SLC12A7: variants seen among roughly 807,000 people sequenced by gnomAD.
The protein encoded by SLC12A7 is solute carrier family 12 member 7, also known as K-Cl cotransporter 4.
Under a neutral mutation model 120.6 loss-of-function variants are expected in SLC12A7, and 100 were observed. That is an observed-to-expected ratio of 0.83 (90% CI 0.71 to 0.98). The LOEUF is 0.98. Ranked by LOEUF, SLC12A7 falls within the 50% of genes least tolerant of loss-of-function variation. The pLI, the probability that SLC12A7 is intolerant of heterozygous loss-of-function variation, is 0.00. For missense variants in SLC12A7, 1,373 were observed against 1,548.1 expected (o/e 0.89, Z 1.90); for synonymous variants, 760 against 678.0 (o/e 1.12, Z -1.88).
intron 17 of SLC12A7, 88 bp from the exon 18 acceptor site, chr5:1,065,566 CCACCTCCCCT>C (rs1203240017): frequency 1.0e-5 from 12 of 1,165,524 alleles, no homozygotes; most frequent in Non-Finnish European, 1.4e-5. Context: ...GGCACCCGCA[CCACCTCCCCT>C]GTGGACCCAG....
chr5:1,073,591 G>A (rs778653114), intron 17 of SLC12A7, 42 bp downstream of exon 17: 3 of 1,564,890 alleles, frequency 1.9e-6, no homozygotes, highest in Non-Finnish European at 1.7e-6. Flanking sequence ...TGTGCAGCTG[G>A]GGTGGGAAAG....
At chr5:1,142,552 G>C in the SLC12A7 span, among the ~76,000 whole-genome samples, 4 of 120,720 alleles carry the variant, frequency 3.3e-5, no homozygotes, top group South Asian at 3.2e-4. Flanking sequence ...CTCTGTGTGT[G>C]TCTCTCTCTC....
At chr5:1,074,393 C>G (rs1451350632) in intron 16 of SLC12A7, among the ~76,000 whole-genome samples, 174 bp downstream of exon 16, 1 of 152,306 alleles carries the variant, frequency 6.6e-6, no homozygotes, top group East Asian at 1.9e-4. Flanking sequence ...GCAGGGACAC[C>G]CCCGGCCCCC....
the SLC12A7 span, among the ~76,000 whole-genome samples, chr5:1,134,792 T>C: frequency 6.6e-6 from 1 of 152,028 alleles, no homozygotes; most frequent in African/African-American, 2.4e-5. Context: ...GATAAAGCCA[T>C]GAACAAAACA....
At position 1,108,029 on chromosome 5, in the gene SLC12A7, T is replaced by TACACACACACACACACAC. The variant is rs59652318; in HGVS notation, c.124+3838_124+3839insGTGTGTGTGTGTGTGTGT. ...CTGCCACAGCATACAAACACACACA[T>TACACACACACACACACAC]ACACACACACACGTGAGCATGCCCA... is the stretch of plus-strand genomic sequence containing the variant. On this transcript the variant is annotated intron_variant, in intron 1 of 23. Transcript: ENST00000264930. Among the ~76,000 whole-genome samples, 1,309 of 151,486 alleles carry TACACACACACACACACAC rather than the reference T, an allele frequency of 8.6e-3. 9 individuals carry two copies. Among genetic ancestry groups the TACACACACACACACACAC allele is most frequent in the African/African-American group, 0.02 (842 of 41,322 alleles).
At chr5:1,118,803 G>GCCAGCACATTTGGTA in the SLC12A7 span, among the ~76,000 whole-genome samples, 34 of 152,158 alleles carry the variant, frequency 2.2e-4, no homozygotes, top group African/African-American at 7.5e-4. Context: ...TGGCCCCGCA[G>GCCAGCACATTTGGTA]CCTTGCAGGT....
In SLC12A7 at chr5:1,055,701, TCCC is replaced by T. The variant is rs1018593416; in HGVS notation, c.3026+1767_3026+1769del. Reference sequence around the variant, plus strand: ...GAGGAGGCACAGGTGCCACTGAGGGTCCCCGAGTGTGTGTGCCTGTGCATGTGT... The same window carrying T: ...GAGGAGGCACAGGTGCCACTGAGGGTCGAGTGTGTGTGCCTGTGCATGTGT... On this transcript the variant is annotated intron_variant, in intron 22 of 23. Coordinates refer to ENST00000264930, the MANE Select transcript of SLC12A7 (RefSeq NM_006598.3). 4.6e-5 allele frequency among the ~76,000 whole-genome samples: 7 copies of T among 152,122 alleles called. 1 individual carries two copies. Among genetic ancestry groups the T allele is most frequent in the Admixed American group, 1.3e-4 (2 of 15,274 alleles).
At chr5:1,058,709 GC>G (rs1305645602) in intron 21 of SLC12A7, among the ~76,000 whole-genome samples, 5 of 152,234 alleles carry the variant, frequency 3.3e-5, no homozygotes, top group African/African-American at 9.7e-5. Context: ...CAGACAGTGG[GC>G]CCCAGGCCTC....
intron 21 of SLC12A7, 127 bp downstream of exon 21, chr5:1,060,217 G>A: frequency 8.4e-6 from 6 of 710,772 alleles, no homozygotes; most frequent in South Asian, 5.1e-5. Context: ...CTGAGCCTGC[G>A]ACGCAGTACC....
intron 1 of SLC12A7, among the ~76,000 whole-genome samples, chr5:1,102,718 C>T (rs1277596174): frequency 6.6e-6 from 1 of 152,172 alleles, no homozygotes; most frequent in Non-Finnish European, 1.5e-5. Context: ...CGAGGAGGTT[C>T]TCAGGCCTGG....
chr5:1,053,215 G>A (rs982274504), intron 23 of SLC12A7, 134 bp downstream of exon 23: 60 of 1,175,936 alleles, frequency 5.1e-5, no homozygotes, highest in Non-Finnish European at 6.6e-5. Flanking sequence ...CATCCCGGTC[G>A]TAGCTCCCAG....
chr5:1,078,532 G>T lies in SLC12A7; in HGVS notation c.1454+169C>A, dbSNP rs1057495894. 1.0e-4 allele frequency: 66 copies of T among 654,680 alleles called. No homozygotes were observed. The Middle Eastern group carries it at 2.4e-3, about 24-fold the overall frequency. The allele number at this position is 654,680 out of a possible 1,614,324, so 40.6% of individuals were successfully genotyped here. On this transcript the variant is annotated intron_variant, in intron 11 of 23. Transcript: ENST00000264930. Reference sequence around the variant, plus strand: ...GTTCCCCAGGCCCTAGGCTCCAGCGGAAGAGACGACACATCAGACCAAGGG... The same window carrying T: ...GTTCCCCAGGCCCTAGGCTCCAGCGTAAGAGACGACACATCAGACCAAGGG...
At chr5:1,053,677 C>T (rs183289937) in intron 22 of SLC12A7, among the ~76,000 whole-genome samples, 195 bp from the exon 23 acceptor site, 3 of 152,344 alleles carry the variant, frequency 2.0e-5, no homozygotes, top group East Asian at 1.9e-4. Flanking sequence ...GCAGCCAGGG[C>T]GGGCGTTCAG....
At chr5:1,081,898 C>T (rs948089504) in intron 8 of SLC12A7, among the ~76,000 whole-genome samples, 154 bp from the exon 9 acceptor site, 5 of 152,266 alleles carry the variant, frequency 3.3e-5, no homozygotes, top group Non-Finnish European at 2.9e-5. Flanking sequence ...AACACGCTTT[C>T]GAGATGGTAC....
chr5:1,079,533 G>C (rs761677535), intron 9 of SLC12A7, 37 bp from the exon 10 acceptor site: 1 of 1,539,308 alleles, frequency 6.5e-7, no homozygotes, highest in Non-Finnish European at 9.0e-7. Flanking sequence ...ACCCATCTGA[G>C]GAGTCAGTGC....
intron 20 of SLC12A7, among the ~76,000 whole-genome samples, chr5:1,062,176 G>A (rs1487210433): frequency 6.6e-6 from 1 of 152,216 alleles, no homozygotes; most frequent in African/African-American, 2.4e-5. Flanking sequence ...AGGGGCTGGG[G>A]GTGCGGCTGG....
chr5:1,075,847 G>T, intron 14 of SLC12A7: 1 of 509,070 alleles, frequency 2.0e-6, no homozygotes, highest in African/African-American at 1.9e-5. Flanking sequence ...CCAAGCCTGG[G>T]AAGGCTGGGC....
At chr5:1,082,179 T>C (rs60215212) in intron 8 of SLC12A7, among the ~76,000 whole-genome samples, 1 of 132,992 alleles carries the variant, frequency 7.5e-6, no homozygotes, top group Admixed American at 7.7e-5. Flanking sequence ...TTCTGGAAAG[T>C]CCGGGCTTCC....
chr5:1,153,574 G>C, the SLC12A7 span, among the ~76,000 whole-genome samples: 2 of 152,170 alleles, frequency 1.3e-5, no homozygotes, highest in African/African-American at 4.8e-5. Context: ...TGGGGTGCTG[G>C]CCCTGGCACT....
Sources: allele counts gnomAD v4.1 joint callset (sites outside exome capture counted in the v4.1 genomes callset), GRCh38; gene constraint gnomAD v4.1.1; transcripts MANE v1.5; gene names NCBI Gene and HGNC (gene_info 2026-07-23, HGNC 2026-07-21).